Variants in WNT16 observed in about 807,000 individuals in gnomAD.
The protein encoded by WNT16 is protein Wnt-16.
WNT16 carries 20 observed loss-of-function variants against 35.4 expected under a neutral mutation model. That is an observed-to-expected ratio of 0.56 (90% CI 0.40 to 0.82). The LOEUF (loss-of-function observed/expected upper bound fraction) is 0.82. Ranked by LOEUF, WNT16 falls within the 40% of genes least tolerant of loss-of-function variation. The pLI, the probability that WNT16 is intolerant of heterozygous loss-of-function variation, is 0.00. For missense variants in WNT16, 461 were observed against 466.0 expected, an observed-to-expected ratio of 0.99 and a Z score of 0.10; for synonymous variants, 180 against 179.2, an observed-to-expected ratio of 1.00 and a Z score of -0.03.
intron 3 of WNT16, among the ~76,000 whole-genome samples, chr7:121,335,002 C>T (rs1346036582): frequency 1.3e-5 from 2 of 152,034 alleles, no homozygotes; most frequent in African/African-American, 4.8e-5. Flanking sequence ...AGTTGAACAA[C>T]ACATAGTGTT....
At position 121,329,681 on chromosome 7, in the gene WNT16, C is replaced by T. The variant is rs201430959; in HGVS notation, c.210C>T (p.Ile70=). 245 of 1,614,078 alleles carry T rather than the reference C, an allele frequency of 1.5e-4. 3 individuals are homozygous for T. In the East Asian group the frequency reaches 5.3e-3, roughly 35 times the overall value. Residue 70 remains isoleucine, a synonymous_variant, in exon 2 of 4, where the codon ATC becomes ATT. Coordinates refer to ENST00000222462, the MANE Select transcript of WNT16 (RefSeq NM_057168.2). ...GGAAACCGTACCTGCTGCCGAGCAT[C>T]CGAGAGGGCGCCCGGCTGGGCATTC... ...CKRKPYLLPS[I]REGARLGIQE... is the part of the protein sequence containing the mutation.
chr7:121,332,833 T>C (rs145210380), intron 3 of WNT16, among the ~76,000 whole-genome samples: 127 of 152,210 alleles, frequency 8.3e-4, no homozygotes, highest in African/African-American at 3.0e-3. Context: ...GGTGGTACAT[T>C]TGAAGAATTG....
At chr7:121,337,050 G>T (rs1323428816) in intron 3 of WNT16, among the ~76,000 whole-genome samples, 6 of 152,144 alleles carry the variant, frequency 3.9e-5, no homozygotes, top group Admixed American at 3.9e-4. Flanking sequence ...ACATTTATTT[G>T]CCTGGAAATG....
intron 3 of WNT16, among the ~76,000 whole-genome samples, chr7:121,335,455 G>A (rs1021898713): frequency 1.3e-5 from 2 of 152,044 alleles, no homozygotes; most frequent in African/African-American, 2.4e-5. Flanking sequence ...CCACCAAAAT[G>A]TGCACATCTG....
chr7:121,329,304 G>A lies in WNT16; in HGVS notation c.12G>A (p.Ala4=), dbSNP rs759009758. MDR[A]ALLGLARLCA... The stretch of plus-strand genomic sequence containing the variant: ...TCCATGCGGGGGCGATGGACAGGGC[G>A]GCGCTCCTGGGACTGGCCCGCTTGT... The change falls in exon 1 of 4, where the codon GCG becomes GCA. Residue 4 remains alanine, a synonymous_variant. Coordinates refer to ENST00000222462, the MANE Select transcript of WNT16 (RefSeq NM_057168.2). 1.8e-5 allele frequency: 28 copies of A among 1,577,334 alleles called. 1 individual carries two copies. Among genetic ancestry groups the A allele is most frequent in the South Asian group, 1.5e-4 (13 of 86,714 alleles).
In WNT16 at chr7:121,339,441, C is replaced by T; in HGVS notation, c.*96C>T. The T allele has an allele frequency of 8.6e-7, 1 of 1,159,906 alleles. No homozygotes were observed. The highest frequency in any genetic ancestry group is 1.5e-5 in the South Asian group (1 of 67,666). 71.9% of individuals were successfully genotyped at this position (1,159,906 alleles called of 1,614,324 possible). On this transcript the variant is annotated 3_prime_UTR_variant, in exon 4 of 4. Transcript: ENST00000222462. ...CCCTGTGCAGCGCTAGTAAAGTTGA[C>T]TCTTGCAGTGGAATCCCTAGAACCT...
rs1231934346 is a variant in WNT16 at position 121,339,072 on chromosome 7, G to T, written c.825G>T (p.Arg275Ser). ...TGCGCAGGAGAGAAAAAGATCAGAGGAAAATACCAATCCATAAGGATGATC... is the reference window on the plus strand; with the variant it reads ...TGCGCAGGAGAGAAAAAGATCAGAGTAAAATACCAATCCATAAGGATGATC... ...RKMRRREKDQRKIPIHKDDLL... is the reference protein window; with the variant it reads ...RKMRRREKDQSKIPIHKDDLL... Residue 275 changes from arginine to serine, a missense_variant, in exon 4 of 4, where the codon AGG becomes AGT. By Grantham distance (110) the Arg-to-Ser change is moderately radical. Transcript: ENST00000222462. The T allele has an allele frequency of 6.2e-7, 1 of 1,614,138 alleles. No individual in the cohort carries two copies. Among genetic ancestry groups the T allele is most frequent in the Non-Finnish European group, 8.5e-7 (1 of 1,180,018 alleles).
rs772403126 is a variant in WNT16 at position 121,339,256 on chromosome 7, G to A, written c.1009G>A (p.Val337Met). The stretch of plus-strand genomic sequence containing the variant: ...TTACAACACCCATGTGGTCAGGCAC[G>A]TGGAGAGGTGTGAGTGTAAGTTCAT... ...RGYNTHVVRH[V>M]ERCECKFIWC... The change falls in exon 4 of 4, where the codon GTG becomes ATG. Residue 337 changes from valine to methionine, a missense_variant. Val to Met is a conservative substitution (Grantham distance 21). Coordinates refer to ENST00000222462, the MANE Select transcript of WNT16 (RefSeq NM_057168.2). The A allele has an allele frequency of 8.7e-6, 14 of 1,614,074 alleles. No individual in the cohort carries two copies. The highest frequency in any genetic ancestry group is 1.6e-4 in the Middle Eastern group (1 of 6,082).
At chr7:121,333,863 A>C (rs1422344807) in intron 3 of WNT16, among the ~76,000 whole-genome samples, 1 of 152,046 alleles carries the variant, frequency 6.6e-6, no homozygotes, top group African/African-American at 2.4e-5. Flanking sequence ...ATTCTCTTAA[A>C]TAAAATCATC....
chr7:121,325,700 A>C (rs550085275), upstream of WNT16, among the ~76,000 whole-genome samples: 444 of 152,042 alleles, frequency 2.9e-3, 3 homozygotes, highest in South Asian at 0.014. Context: ...CACACACACT[A>C]TATATATGTT....
intron 3 of WNT16, among the ~76,000 whole-genome samples, chr7:121,337,160 A>G (rs879184862): frequency 6.6e-6 from 1 of 152,184 alleles, no homozygotes; most frequent in Admixed American, 6.6e-5. Flanking sequence ...TAATCGCAGG[A>G]CACCTTTTGC....
Position 121,329,247 on chromosome 7 carries a change from G to C in WNT16, c.-46G>C. On this transcript the variant is annotated 5_prime_UTR_variant, in exon 1 of 4. Coordinates refer to ENST00000222462, the MANE Select transcript of WNT16 (RefSeq NM_057168.2). ...CGGCCCGAAGGGCCTCTGGGGAGGGGGTGCAAAAGAGGAGCGGCTGGGCTG... is the reference window on the plus strand; with the variant it reads ...CGGCCCGAAGGGCCTCTGGGGAGGGCGTGCAAAAGAGGAGCGGCTGGGCTG... The C allele has an allele frequency of 6.7e-7, 1 of 1,498,038 alleles. No homozygotes were observed. Among genetic ancestry groups the C allele is most frequent in the Non-Finnish European group, 8.9e-7 (1 of 1,123,140 alleles). 92.8% of individuals were successfully genotyped at this position (1,498,038 alleles called of 1,614,324 possible).
At chr7:121,326,730 T>C (rs1262572257), upstream of WNT16, among the ~76,000 whole-genome samples, 1 of 152,208 alleles carries the variant, frequency 6.6e-6, no homozygotes, top group Non-Finnish European at 1.5e-5. Context: ...CCATGATCAT[T>C]TGAGTAAGTG....
intron 3 of WNT16, among the ~76,000 whole-genome samples, chr7:121,337,113 T>A (rs1364776291): frequency 1.3e-5 from 2 of 152,190 alleles, no homozygotes; most frequent in Non-Finnish European, 2.9e-5. Flanking sequence ...TTTAAAGAAA[T>A]AAGCTTCTGT....
chr7:121,328,963 G>A (rs550406333), upstream of WNT16: 9 of 1,017,192 alleles, frequency 8.8e-6, no homozygotes, highest in East Asian at 4.7e-4. Flanking sequence ...GAGGAGATGG[G>A]AGGAGAGGCC....
In WNT16 at chr7:121,339,590, G is replaced by T; in HGVS notation, c.*245G>T. ...TTATATTCACCTTTTGATGATTTGG[G>T]GAATATATATTGACATACAAGGAAG... On this transcript the variant is annotated 3_prime_UTR_variant, in exon 4 of 4. Transcript: ENST00000222462. The T allele has an allele frequency of 2.0e-6, 1 of 498,392 alleles. No homozygotes were observed. Among genetic ancestry groups the T allele is most frequent in the Non-Finnish European group, 3.5e-6 (1 of 282,532 alleles). 30.9% of individuals were successfully genotyped at this position (498,392 alleles called of 1,614,324 possible).
chr7:121,328,101 T>C (rs1333546882), upstream of WNT16, among the ~76,000 whole-genome samples: 3 of 152,198 alleles, frequency 2.0e-5, no homozygotes, highest in African/African-American at 7.2e-5. Flanking sequence ...AAGTACGTTT[T>C]TAAAAATGTG....
In WNT16 at chr7:121,329,057, C is replaced by A; in HGVS notation, c.-236C>A. The A allele has an allele frequency of 7.9e-7, 1 of 1,264,856 alleles. No individual in the cohort carries two copies. The highest frequency in any genetic ancestry group is 2.9e-5 in the East Asian group (1 of 34,184). The allele number at this position is 1,264,856 out of a possible 1,614,324, so 78.4% of individuals were successfully genotyped here. On this transcript the variant is annotated 5_prime_UTR_variant, in exon 1 of 4. Coordinates refer to ENST00000222462, the MANE Select transcript of WNT16 (RefSeq NM_057168.2). ...CGCTCCCGCATCTCCTGCACATCTC[C>A]ACCCCTGCGCAGGAGGAGATCCCCA... is the stretch of plus-strand genomic sequence containing the variant.
Position 121,329,704 on chromosome 7 carries a change from T to C in WNT16, c.233T>C (p.Ile78Thr), listed in dbSNP as rs1321689369. ...PSIREGARLG[I>T]QECGSQFRHE... is the part of the protein sequence containing the mutation. Reference sequence around the variant, plus strand: ...ATCCGAGAGGGCGCCCGGCTGGGCATTCAGGAGTGCGGGAGCCAGTTCAGA... The same window carrying C: ...ATCCGAGAGGGCGCCCGGCTGGGCACTCAGGAGTGCGGGAGCCAGTTCAGA... The change falls in exon 2 of 4, where the codon ATT becomes ACT. Residue 78 changes from isoleucine (I) to threonine (T), a missense_variant. Coordinates refer to ENST00000222462, the MANE Select transcript of WNT16 (RefSeq NM_057168.2). 6.2e-6 allele frequency: 10 copies of C among 1,613,456 alleles called. No homozygotes were observed. Among genetic ancestry groups the C allele is most frequent in the Non-Finnish European group, 6.8e-6 (8 of 1,179,880 alleles).
Sources: gnomAD v4.1 joint callset for allele counts (sites outside exome capture counted in the v4.1 genomes callset) on GRCh38, gnomAD v4.1.1 for gene constraint, MANE v1.5 for transcripts, NCBI Gene and HGNC (gene_info 2026-07-23, HGNC 2026-07-21) for gene names.